Variants in ARG2 observed in about 807,000 individuals in gnomAD.
ARG2 encodes the protein arginase-2, mitochondrial.
A neutral mutation model predicts 39.4 loss-of-function variants in ARG2; 21 were observed. That is an observed-to-expected ratio of 0.53 (90% confidence interval 0.38 to 0.77). The LOEUF (loss-of-function observed/expected upper bound fraction) is 0.77. ARG2 is among the 30% of genes least tolerant of loss of function. The pLI is 0.00. For synonymous variants in ARG2, 150 were observed against 156.7 expected (o/e 0.96, Z 0.32); for missense variants, 378 against 426.2 (o/e 0.89, Z 1.00).
intron 3 of ARG2, among the ~76,000 whole-genome samples, chr14:67,642,630 G>A (rs960410798): frequency 1.3e-5 from 2 of 152,014 alleles, no homozygotes; most frequent in Middle Eastern, 3.2e-3. Context: ...AAGGTTCCTA[G>A]GCACTGTGTT....
Position 67,619,966 on chromosome 14 carries a change from G to T in ARG2, c.-12G>T, listed in dbSNP as rs776406467. 6 of 1,567,812 alleles carry T rather than the reference G, an allele frequency of 3.8e-6. No individual in the cohort carries two copies. The South Asian group carries it at 6.9e-5, about 18-fold the overall frequency. On this transcript the variant is annotated 5_prime_UTR_variant, in exon 1 of 8. Transcript: ENST00000261783. ...GGAGCCTCTGCCTTGGAGATTCTCA[G>T]TGCTGCGGATCATGTCCCTAAGGGG...
rs1005360128 is a variant in ARG2 at position 67,648,033 on chromosome 14, C to T, written c.723-14C>T. On this transcript the variant is annotated splice_polypyrimidine_tract_variant and intron_variant, in intron 6 of 7. Coordinates refer to ENST00000261783, the MANE Select transcript of ARG2 (RefSeq NM_001172.4). ...GTATTATTTTAAGTATTATTTTATC[C>T]TCTTCCTTTTTAGGAGACAAAGACC... 1.9e-6 allele frequency: 3 copies of T among 1,594,214 alleles called. No individual in the cohort carries two copies. Among genetic ancestry groups the T allele is most frequent in the Non-Finnish European group, 2.6e-6 (3 of 1,168,804 alleles).
chr14:67,646,685 C>T lies in ARG2; in HGVS notation c.564C>T (p.Ile188=). 6.2e-7 allele frequency: 1 copy of T among 1,613,822 alleles called. No individual in the cohort carries two copies. The highest frequency in any genetic ancestry group is 8.5e-7 in the Non-Finnish European group (1 of 1,179,742). ...GATTTTCCTGGATCAAACCTTGTAT[C>T]TCTTCTGCAAGTATTGTGTATATTG... The part of the protein sequence containing the change: ...LPGFSWIKPC[I]SSASIVYIGL... Residue 188 remains isoleucine, a synonymous_variant, in exon 5 of 8, where the codon ATC becomes ATT. Coordinates refer to ENST00000261783, the MANE Select transcript of ARG2 (RefSeq NM_001172.4).
intron 2 of ARG2, among the ~76,000 whole-genome samples, chr14:67,628,648 A>G (rs2036890784): frequency 6.6e-6 from 1 of 152,172 alleles, no homozygotes; most frequent in East Asian, 1.9e-4. Context: ...GGCATTTGCT[A>G]TTATCCCATT....
At chr14:67,629,161 C>T (rs2036894881) in intron 2 of ARG2, among the ~76,000 whole-genome samples, 1 of 152,098 alleles carries the variant, frequency 6.6e-6, no homozygotes, top group African/African-American at 2.4e-5. Context: ...TAGCGAGTCC[C>T]AATCTCCACA....
chr14:67,641,495 C>T lies in ARG2; in HGVS notation c.185-691C>T, dbSNP rs547651567. Among the ~76,000 whole-genome samples, 4 of 152,282 alleles carry T rather than the reference C, an allele frequency of 2.6e-5. No individual in the cohort carries two copies. The South Asian group carries it at 8.3e-4, about 32-fold the overall frequency. ...AGTTTCCTCATCCACCAAATAGGCA[C>T]ATTTTAGTTGCCTCACACAACTGTT... On this transcript the variant is annotated intron_variant, in intron 2 of 7. Transcript: ENST00000261783.
chr14:67,627,928 TCTTTGA>T (rs1023296992), intron 2 of ARG2, among the ~76,000 whole-genome samples: 69 of 152,358 alleles, frequency 4.5e-4, no homozygotes, highest in African/African-American at 1.6e-3. Context: ...AGTTCTGGGT[TCTTTGA>T]CTTCTAAAGT....
At chr14:67,645,583 TTTG>T in intron 3 of ARG2, 57 bp from the exon 4 acceptor site, 1 of 1,564,990 alleles carries the variant, frequency 6.4e-7, no homozygotes, top group Non-Finnish European at 8.7e-7. Flanking sequence ...GCTGAGGACG[TTTG>T]TTATCGGTCA....
At chr14:67,640,426 C>T (rs527792519) in intron 2 of ARG2, among the ~76,000 whole-genome samples, 36 of 152,290 alleles carry the variant, frequency 2.4e-4, no homozygotes, top group Non-Finnish European at 4.4e-4. Flanking sequence ...ATATCTCTTG[C>T]GGTGGCAATT....
chr14:67,627,253 G>GTA (rs2036875350), intron 2 of ARG2, among the ~76,000 whole-genome samples: 2 of 51,646 alleles, frequency 3.9e-5, no homozygotes, highest in East Asian at 7.2e-4. Flanking sequence ...TGATCAGTAA[G>GTA]GAGATATATA....
At chr14:67,645,463 A>T (rs771025384) in intron 3 of ARG2, among the ~76,000 whole-genome samples, 180 bp from the exon 4 acceptor site, 27 of 152,164 alleles carry the variant, frequency 1.8e-4, no homozygotes, top group Non-Finnish European at 7.3e-5. Context: ...CTAGGGCTTT[A>T]TCACTCAAGA....
At position 67,642,377 on chromosome 14, in the gene ARG2, C is replaced by G; in HGVS notation, c.362+14C>G. On this transcript the variant is annotated intron_variant, in intron 3 of 7. Coordinates refer to ENST00000261783, the MANE Select transcript of ARG2 (RefSeq NM_001172.4). ...AGGAGACCACAGGTAAGCTGGGAGCCAGGCGTGGTGAGGGGATGGATTACA... is the reference window on the plus strand; with the variant it reads ...AGGAGACCACAGGTAAGCTGGGAGCGAGGCGTGGTGAGGGGATGGATTACA... 1.2e-6 allele frequency: 2 copies of G among 1,612,838 alleles called. No individual in the cohort carries two copies. Among genetic ancestry groups the G allele is most frequent in the Non-Finnish European group, 1.7e-6 (2 of 1,179,678 alleles).
At chr14:67,642,703 G>A (rs983463416) in intron 3 of ARG2, among the ~76,000 whole-genome samples, 4 of 148,890 alleles carry the variant, frequency 2.7e-5, no homozygotes, top group African/African-American at 9.8e-5. Flanking sequence ...GAATTAGAAA[G>A]ATCCATTGAT....
intron 2 of ARG2, among the ~76,000 whole-genome samples, chr14:67,627,939 T>C (rs539684929): frequency 4.5e-4 from 69 of 152,372 alleles, no homozygotes; most frequent in African/African-American, 1.6e-3. Flanking sequence ...CTTTGACTTC[T>C]AAAGTCACTC....
intron 6 of ARG2, 82 bp from the exon 7 acceptor site, chr14:67,647,965 T>G (rs888464364): frequency 3.0e-6 from 4 of 1,351,292 alleles, no homozygotes; most frequent in Non-Finnish European, 4.1e-6. Context: ...AATCAAGGAG[T>G]TGCAACCATA....
intron 2 of ARG2, among the ~76,000 whole-genome samples, chr14:67,625,537 G>C (rs554195979): frequency 6.6e-6 from 1 of 151,634 alleles, no homozygotes; most frequent in African/African-American, 2.4e-5. Flanking sequence ...AAAATTAGCC[G>C]GGCATGGTGG....
chr14:67,638,223 T>C (rs904698037), intron 2 of ARG2, among the ~76,000 whole-genome samples: 7 of 152,248 alleles, frequency 4.6e-5, no homozygotes, highest in African/African-American at 1.7e-4. Context: ...AATAATATTA[T>C]GTATTATGCC....
chr14:67,645,827 A>G (rs1289917350), intron 4 of ARG2, 25 bp downstream of exon 4: 1 of 1,611,860 alleles, frequency 6.2e-7, no homozygotes, highest in South Asian at 1.1e-5. Context: ...ACGAAAAGAA[A>G]GGTGAATGGC....
chr14:67,639,924 CAAAAAA>C (rs5809358), intron 2 of ARG2, among the ~76,000 whole-genome samples: 20 of 61,830 alleles, frequency 3.2e-4, no homozygotes, highest in African/African-American at 1.0e-3. Context: ...GACCCTGTCT[CAAAAAA>C]AAAAAAAAAA....
Sources: gnomAD v4.1 joint callset for allele counts (sites outside exome capture counted in the v4.1 genomes callset) on GRCh38, gnomAD v4.1.1 for gene constraint, MANE v1.5 for transcripts, NCBI Gene and HGNC (gene_info 2026-07-23, HGNC 2026-07-21) for gene names.